GRIN3A: variants seen among roughly 807,000 people sequenced by gnomAD.
The protein encoded by GRIN3A is glutamate receptor ionotropic, NMDA 3A.
Under a neutral mutation model 92.4 loss-of-function variants are expected in GRIN3A, and 47 were observed. That is an observed-to-expected ratio of 0.51 (90% CI 0.40 to 0.65). GRIN3A has a LOEUF of 0.65. GRIN3A is among the 30% of genes least tolerant of loss of function. The probability of loss-of-function intolerance (pLI) is 0.00; values close to 1 mark genes in which losing one functional copy is unlikely to be tolerated. For missense variants in GRIN3A, 1,324 were observed against 1,393.1 expected (o/e 0.95, Z 0.79); for synonymous variants, 527 against 540.6 (o/e 0.97, Z 0.35).
intron 1 of GRIN3A, among the ~76,000 whole-genome samples, chr9:101,711,957 T>A (rs1829884683): frequency 6.6e-6 from 1 of 152,130 alleles, no homozygotes; most frequent in Admixed American, 6.5e-5. Flanking sequence ...CTCTTTAGGG[T>A]CCCTCCTTGG....
chr9:101,703,373 C>A (rs1382711113), intron 1 of GRIN3A, among the ~76,000 whole-genome samples: 5 of 152,180 alleles, frequency 3.3e-5, no homozygotes, highest in African/African-American at 9.7e-5. Context: ...GCGGCTGATT[C>A]TTTCTTCACA....
intron 2 of GRIN3A, among the ~76,000 whole-genome samples, chr9:101,672,179 C>T (rs1221832302): frequency 1.4e-5 from 1 of 69,334 alleles, no homozygotes; most frequent in African/African-American, 3.6e-5. Flanking sequence ...GAACAATTTA[C>T]TTGAACAATT....
chr9:101,628,407 A>T lies in GRIN3A; in HGVS notation c.2353-6T>A, dbSNP rs1281649914. On this transcript the variant is annotated splice_polypyrimidine_tract_variant and splice_region_variant and intron_variant, in intron 3 of 8. Transcript: ENST00000361820. ...CCTTGGGAAGGATGATGTAACTATG[A>T]GGGAGAAAAAGAAATGGCTTAAATA... 2 of 1,612,710 alleles carry T rather than the reference A, an allele frequency of 1.2e-6. No homozygotes were observed. Among genetic ancestry groups the T allele is most frequent in the Non-Finnish European group, 1.7e-6 (2 of 1,179,064 alleles).
intron 2 of GRIN3A, among the ~76,000 whole-genome samples, chr9:101,674,059 T>C (rs1459610774): frequency 1.3e-5 from 2 of 152,022 alleles, no homozygotes; most frequent in Admixed American, 6.6e-5. Context: ...TGGGAAATGA[T>C]GTTGTCATCT....
chr9:101,674,864 A>G (rs1165042081), intron 2 of GRIN3A, among the ~76,000 whole-genome samples: 1 of 152,026 alleles, frequency 6.6e-6, no homozygotes, highest in Admixed American at 6.6e-5. Flanking sequence ...ATATTAGAAA[A>G]TAACATAGGG....
rs1827783444 is a variant in GRIN3A, at chr9:101,573,246, C to T, written c.3276G>A (p.Glu1092=). 6.2e-7 allele frequency: 1 copy of T among 1,614,146 alleles called. No homozygotes were observed. The highest frequency in any genetic ancestry group is 8.5e-7 in the Non-Finnish European group (1 of 1,179,992). The change falls in exon 9 of 9, where the codon GAG becomes GAA. Residue 1092 remains glutamate, a synonymous_variant. Coordinates refer to ENST00000361820, the MANE Select transcript of GRIN3A (RefSeq NM_133445.3). ...LEKQIQVIRQ[E]LQLAVSRKTE... ...TTTTCCTGCTCACAGCCAGCTGCAGCTCCTGACGGATCACCTGAATCTGCT... is the reference window on the plus strand; with the variant it reads ...TTTTCCTGCTCACAGCCAGCTGCAGTTCCTGACGGATCACCTGAATCTGCT...
chr9:101,583,903 C>T (rs1190672641), intron 6 of GRIN3A, among the ~76,000 whole-genome samples: 1 of 152,174 alleles, frequency 6.6e-6, no homozygotes. Flanking sequence ...GAGGCTCATA[C>T]TAGAGTGCAA....
chr9:101,719,943 T>G (rs1396607730), intron 1 of GRIN3A, among the ~76,000 whole-genome samples: 1 of 152,192 alleles, frequency 6.6e-6, no homozygotes, highest in Non-Finnish European at 1.5e-5. Flanking sequence ...GCTCCCCAAC[T>G]TCCCTTCTTC....
At position 101,737,611 on chromosome 9, in the gene GRIN3A, C is replaced by T; in HGVS notation, c.369G>A (p.Trp123Ter). Residue 123 changes from tryptophan (W) to a stop codon, truncating the protein, a stop_gained, in exon 1 of 9, where the codon TGG becomes TGA. Transcript: ENST00000361820. LOFTEE classifies it high-confidence loss of function. ...PGEGARAEALWPRDALLFAVD... is the reference protein window; with the variant it reads ...PGEGARAEAL Reference sequence around the variant, plus strand: ...CGGCAAATAGGAGGGCGTCCCGTGGCCACAGGGCCTCCGCCCTGGCGCCCT... The same window carrying T: ...CGGCAAATAGGAGGGCGTCCCGTGGTCACAGGGCCTCCGCCCTGGCGCCCT... 1 of 1,613,522 alleles carries T rather than the reference C, an allele frequency of 6.2e-7. No individual in the cohort carries two copies. The highest frequency in any genetic ancestry group is 8.5e-7 in the Non-Finnish European group (1 of 1,179,974).
intron 6 of GRIN3A, among the ~76,000 whole-genome samples, chr9:101,602,756 C>G (rs1017666238): frequency 6.6e-6 from 1 of 152,094 alleles, no homozygotes; most frequent in Non-Finnish European, 1.5e-5. Context: ...GAGACACTTG[C>G]TGAAATTAGT....
intron 5 of GRIN3A, among the ~76,000 whole-genome samples, chr9:101,620,698 C>T (rs1468315037): frequency 6.6e-6 from 1 of 152,040 alleles, no homozygotes; most frequent in Non-Finnish European, 1.5e-5. Flanking sequence ...TTGTACTAGG[C>T]CCTGTGAAAG....
intron 6 of GRIN3A, among the ~76,000 whole-genome samples, chr9:101,609,663 G>A (rs1433970191): frequency 6.6e-6 from 1 of 152,192 alleles, no homozygotes; most frequent in Non-Finnish European, 1.5e-5. Context: ...AGTCCGCAGA[G>A]CTGTCTGTCC....
At chr9:101,591,988 G>T (rs1828032933) in intron 6 of GRIN3A, 1 of 152,154 alleles carries the variant, frequency 6.6e-6, no homozygotes, top group Non-Finnish European at 1.5e-5. Context: ...ACATTGCAGG[G>T]TGTATAAATA....
chr9:101,723,464 T>C (rs571269646), intron 1 of GRIN3A, among the ~76,000 whole-genome samples: 1 of 151,712 alleles, frequency 6.6e-6, no homozygotes, highest in Non-Finnish European at 1.5e-5. Context: ...ACCCAAAGAG[T>C]GAGCAGTAGC....
chr9:101,661,513 A>G (rs886906387), intron 3 of GRIN3A, among the ~76,000 whole-genome samples: 4 of 151,786 alleles, frequency 2.6e-5, no homozygotes, highest in African/African-American at 9.7e-5. Context: ...TTCACTTAAC[A>G]TTATATTTTG....
At chr9:101,610,972 C>A (rs923247311) in intron 6 of GRIN3A, among the ~76,000 whole-genome samples, 5 of 151,962 alleles carry the variant, frequency 3.3e-5, no homozygotes, top group Non-Finnish European at 7.4e-5. Context: ...GTAGTGGGCA[C>A]CTGTAGTCCC....
At chr9:101,596,101 A>G (rs1430255961) in intron 6 of GRIN3A, among the ~76,000 whole-genome samples, 1 of 152,228 alleles carries the variant, frequency 6.6e-6, no homozygotes, top group East Asian at 1.9e-4. Flanking sequence ...TCAAACTGAA[A>G]GATGCAAACA....
At chr9:101,585,651 T>C (rs976626863) in intron 6 of GRIN3A, among the ~76,000 whole-genome samples, 8 of 152,322 alleles carry the variant, frequency 5.3e-5, no homozygotes, top group Admixed American at 3.9e-4. Flanking sequence ...TCTGCAAATA[T>C]GGTGGAACCG....
At chr9:101,613,131 A>T (rs1321142375) in intron 6 of GRIN3A, among the ~76,000 whole-genome samples, 1 of 152,250 alleles carries the variant, frequency 6.6e-6, no homozygotes, top group African/African-American at 2.4e-5. Context: ...GTTATGGGGA[A>T]AAGTAGAAAT....
Sources: gnomAD v4.1 joint callset for allele counts (sites outside exome capture counted in the v4.1 genomes callset) on GRCh38, gnomAD v4.1.1 for gene constraint, MANE v1.5 for transcripts, NCBI Gene and HGNC (gene_info 2026-07-23, HGNC 2026-07-21) for gene names.